The following TRDN variants were observed in gnomAD, a reference collection of about 807,000 sequenced individuals.
The protein encoded by TRDN is triadin, also known as triadin in skeletal muscle.
In TRDN, 161 loss-of-function variants were observed where a neutral mutation model predicts 149.7. The ratio of observed to expected loss-of-function variants is 1.08; its 90% CI spans 0.95 to 1.23. The LOEUF (loss-of-function observed/expected upper bound fraction) is 1.23. Among genes scored for constraint, TRDN ranks in the 50% most tolerant of loss-of-function variants. The pLI is 0.00. For synonymous variants in TRDN, 294 were observed against 250.5 expected (o/e 1.17, Z -1.64); for missense variants, 896 against 823.5 (o/e 1.09, Z -1.08).
At chr6:123,452,921 A>G (rs1214504502) in intron 10 of TRDN, among the ~76,000 whole-genome samples, 1 of 152,190 alleles carries the variant, frequency 6.6e-6, no homozygotes. Flanking sequence ...TCAATGGAAC[A>G]AAATAGAGAA....
At chr6:123,352,477 T>C in intron 21 of TRDN, 62 bp downstream of exon 21, 1 of 1,597,344 alleles carries the variant, frequency 6.3e-7, no homozygotes, top group Non-Finnish European at 8.5e-7. Context: ...ATCCAGTGCT[T>C]TCCTCCGCAT....
intron 23 of TRDN, among the ~76,000 whole-genome samples, chr6:123,330,046 A>G (rs769141888): frequency 9.2e-5 from 14 of 152,062 alleles, no homozygotes; most frequent in Non-Finnish European, 1.8e-4. Context: ...ACCACCTGGT[A>G]TGGGATTATG....
At chr6:123,235,047 G>T (rs1775735279) in intron 38 of TRDN, among the ~76,000 whole-genome samples, 1 of 151,986 alleles carries the variant, frequency 6.6e-6, no homozygotes, top group African/African-American at 2.4e-5. Context: ...GGATAGAATA[G>T]GTAGACAGCA....
chr6:123,300,789 G>A (rs537175219), intron 24 of TRDN, among the ~76,000 whole-genome samples: 35 of 152,074 alleles, frequency 2.3e-4, no homozygotes, highest in African/African-American at 8.2e-4. Context: ...GCTGTCTCAT[G>A]TACTTACTAG....
intron 15 of TRDN, among the ~76,000 whole-genome samples, chr6:123,381,713 G>T (rs1781726774): frequency 6.6e-6 from 1 of 152,102 alleles, no homozygotes; most frequent in East Asian, 1.9e-4. Flanking sequence ...GGAGGCACAG[G>T]TATACTTGCC....
intron 7 of TRDN, among the ~76,000 whole-genome samples, chr6:123,507,732 A>G (rs755528791): frequency 4.1e-4 from 63 of 152,302 alleles, no homozygotes; most frequent in Non-Finnish European, 8.2e-4. Flanking sequence ...CATTTTATTC[A>G]TGACTTTTGT....
At chr6:123,550,005 G>T (rs1781306596) in intron 2 of TRDN, among the ~76,000 whole-genome samples, 1 of 151,974 alleles carries the variant, frequency 6.6e-6, no homozygotes, top group African/African-American at 2.4e-5. Flanking sequence ...TAGAAAAGTA[G>T]CTGAGTTTTA....
At chr6:123,446,888 A>G (rs1775410974) in intron 10 of TRDN, among the ~76,000 whole-genome samples, 1 of 151,546 alleles carries the variant, frequency 6.6e-6, no homozygotes, top group Admixed American at 6.6e-5. Flanking sequence ...GGAAAAAAAT[A>G]ATTCAGAACA....
intron 4 of TRDN, among the ~76,000 whole-genome samples, chr6:123,532,066 A>C (rs948024518): frequency 3.9e-5 from 6 of 152,056 alleles, no homozygotes; most frequent in African/African-American, 1.4e-4. Context: ...AGTAATCACT[A>C]TCACTGTCTA....
chr6:123,258,321 T>C (rs1214808656), intron 35 of TRDN, among the ~76,000 whole-genome samples: 1 of 152,130 alleles, frequency 6.6e-6, no homozygotes, highest in Admixed American at 6.6e-5. Flanking sequence ...CAATACCTAG[T>C]TTATTGAGTG....
chr6:123,371,779 C>T (rs1177539072), intron 19 of TRDN, among the ~76,000 whole-genome samples: 1 of 152,124 alleles, frequency 6.6e-6, no homozygotes, highest in Admixed American at 6.6e-5. Context: ...AAACAAGAAG[C>T]ATGCCTTACC....
intron 1 of TRDN, among the ~76,000 whole-genome samples, chr6:123,587,940 T>G (rs867713218): frequency 2.6e-5 from 4 of 152,234 alleles, no homozygotes; most frequent in South Asian, 4.1e-4. Flanking sequence ...GCAGGAACTG[T>G]CGATCTGGAT....
rs768013728 is a variant in TRDN, at chr6:123,503,853, T to C, written c.659A>G (p.Lys220Arg). Residue 220 changes from lysine to arginine, a missense_variant, in exon 8 of 41, where the codon AAG becomes AGG. By Grantham distance (26) the Lys-to-Arg change is conservative. Transcript: ENST00000334268. The part of the protein sequence containing the change: ...TAEKSEEKTK[K>R]EVKGGKQEKV... Reference sequence around the variant, plus strand: ...CTCCTGTTTTCCACCTTTCACTTCCTTTTTAGTCTTTTCTTCACTCTTTTC... The same window carrying C: ...CTCCTGTTTTCCACCTTTCACTTCCCTTTTAGTCTTTTCTTCACTCTTTTC... 3.1e-6 allele frequency: 5 copies of C among 1,590,744 alleles called. No individual in the cohort carries two copies. In the Admixed American group the frequency reaches 7.2e-5, roughly 23 times the overall value.
In TRDN at chr6:123,271,039, C is replaced by CTGTG. The variant is rs35914221; in HGVS notation, c.1720+96_1720+99dup. 0.54 allele frequency: 224,595 copies of CTGTG among 417,916 alleles called. 42,195 individuals carry two copies. The highest frequency in any genetic ancestry group is 0.66 in the Admixed American group (15,214 of 23,142). 25.9% of individuals were successfully genotyped at this position (417,916 alleles called of 1,614,324 possible). ...AAAGCCTACACACTTCAGTGAAGGG[C>CTGTG]TGTGTGTGTGTGTGTGTGTGTGTGT... On this transcript the variant is annotated intron_variant, in intron 30 of 40. Coordinates refer to ENST00000334268, the MANE Select transcript of TRDN (RefSeq NM_006073.4).
Position 123,540,813 on chromosome 6 carries a change from T to C in TRDN, c.424+6527A>G, listed in dbSNP as rs370828789. 5.1e-4 allele frequency among the ~76,000 whole-genome samples: 77 copies of C among 152,332 alleles called. No homozygotes were observed. The East Asian group carries it at 9.5e-3, about 19-fold the overall frequency. On this transcript the variant is annotated intron_variant, in intron 4 of 40. Transcript: ENST00000334268. ...GATTACAGGCATGAGCCACCGCCAA[T>C]GTGAGTTGGATTTTGGTCTCTCATG...
intron 12 of TRDN, among the ~76,000 whole-genome samples, chr6:123,421,803 T>TCCAAAAAA (rs1773914101): frequency 3.4e-5 from 1 of 29,518 alleles, no homozygotes; most frequent in African/African-American, 1.9e-4. Flanking sequence ...ACCCTTTCTC[T>TCCAAAAAA]ACAAAAAAAA....
intron 30 of TRDN, among the ~76,000 whole-genome samples, 172 bp from the exon 31 acceptor site, chr6:123,270,038 A>T (rs1777153805): frequency 6.6e-6 from 1 of 152,036 alleles, no homozygotes; most frequent in Non-Finnish European, 1.5e-5. Context: ...ACATTAATCA[A>T]ACTGCAAAAA....
rs573091368 is a variant in TRDN, at chr6:123,364,024, C to T, written c.1321+2111G>A. On this transcript the variant is annotated intron_variant, in intron 20 of 40. Transcript: ENST00000334268. Reference sequence around the variant, plus strand: ...AGGCAAAGGTCAAGCTGTAACCAATCTAGCTGTTTCTGTATCTCACTTTCT... The same window carrying T: ...AGGCAAAGGTCAAGCTGTAACCAATTTAGCTGTTTCTGTATCTCACTTTCT... Among the ~76,000 whole-genome samples, 12 of 152,326 alleles carry T rather than the reference C, an allele frequency of 7.9e-5. No homozygotes were observed. The East Asian group carries it at 1.4e-3, about 17-fold the overall frequency.
At chr6:123,376,402 A>C (rs1781505395) in intron 18 of TRDN, among the ~76,000 whole-genome samples, 1 of 152,170 alleles carries the variant, frequency 6.6e-6, no homozygotes, top group East Asian at 1.9e-4. Flanking sequence ...AAATTATTTT[A>C]AAGTCTTCTG....
Sources: gnomAD v4.1 joint callset for allele counts (sites outside exome capture counted in the v4.1 genomes callset) on GRCh38, gnomAD v4.1.1 for gene constraint, MANE v1.5 for transcripts, NCBI Gene and HGNC (gene_info 2026-07-23, HGNC 2026-07-21) for gene names.